FARS2: variants seen among roughly 807,000 people sequenced by gnomAD.
FARS2 encodes the protein phenylalanyl-tRNA synthetase 2, mitochondrial.
FARS2 carries 40 observed loss-of-function variants against 46.4 expected under a neutral mutation model. The observed-to-expected ratio is 0.86, with a 90% CI of 0.67 to 1.12. FARS2 has a LOEUF of 1.12. Among genes scored for constraint, FARS2 ranks in the 50% most tolerant of loss-of-function variants. The pLI is 0.00. For missense variants in FARS2, 513 were observed against 567.9 expected (o/e 0.90, Z 0.98); for synonymous variants, 234 against 214.9 (o/e 1.09, Z -0.78).
intron 6 of FARS2, among the ~76,000 whole-genome samples, chr6:5,673,174 A>C (rs1778568299): frequency 6.6e-6 from 1 of 152,212 alleles, no homozygotes; most frequent in Non-Finnish European, 1.5e-5. Flanking sequence ...GGAAGCACAA[A>C]CCAATTAGAG....
chr6:5,766,933 C>T (rs1040631441), intron 6 of FARS2, among the ~76,000 whole-genome samples: 2 of 151,454 alleles, frequency 1.3e-5, no homozygotes, highest in African/African-American at 4.9e-5. Flanking sequence ...TGGCTTTCTT[C>T]ACTTCTGTTC....
At chr6:5,768,203 G>T (rs1762847803) in intron 6 of FARS2, among the ~76,000 whole-genome samples, 1 of 152,172 alleles carries the variant, frequency 6.6e-6, no homozygotes, top group Admixed American at 6.5e-5. Context: ...AAACCTGGTT[G>T]ACTTTCACTT....
At chr6:5,273,367 G>A (rs1766101352) in intron 1 of FARS2, among the ~76,000 whole-genome samples, 1 of 152,222 alleles carries the variant, frequency 6.6e-6, no homozygotes, top group South Asian at 2.1e-4. Context: ...TTTAACTGGG[G>A]TTAGATGACA....
chr6:5,353,355 A>G (rs544254973), intron 1 of FARS2, among the ~76,000 whole-genome samples: 5 of 152,316 alleles, frequency 3.3e-5, no homozygotes, highest in African/African-American at 1.2e-4. Flanking sequence ...TAGTGCTGCA[A>G]TAAACATGGG....
chr6:5,508,771 G>A (rs1014262068), intron 4 of FARS2, among the ~76,000 whole-genome samples: 2 of 152,222 alleles, frequency 1.3e-5, no homozygotes, highest in African/African-American at 4.8e-5. Context: ...CCAGGCAGCC[G>A]TACGCAGGGC....
chr6:5,474,433 C>T (rs914435973), intron 4 of FARS2, among the ~76,000 whole-genome samples: 2 of 152,070 alleles, frequency 1.3e-5, no homozygotes, highest in Admixed American at 1.3e-4. Context: ...TTCTGAGAAA[C>T]ATGTTGTTAG....
chr6:5,585,746 A>T (rs1458900741), intron 5 of FARS2, among the ~76,000 whole-genome samples: 1 of 151,896 alleles, frequency 6.6e-6, no homozygotes. Context: ...ACACACACAT[A>T]TATACTTATA....
chr6:5,651,643 G>T (rs1777369154), intron 6 of FARS2, among the ~76,000 whole-genome samples: 1 of 152,210 alleles, frequency 6.6e-6, no homozygotes, highest in Non-Finnish European at 1.5e-5. Flanking sequence ...AGAGGATTAA[G>T]TAATTGCAAA....
chr6:5,614,487 G>A (rs1274199312), intron 6 of FARS2, among the ~76,000 whole-genome samples: 1 of 149,606 alleles, frequency 6.7e-6, no homozygotes, highest in African/African-American at 2.5e-5. Flanking sequence ...TCGGCTCACT[G>A]CAAGCTCCGC....
chr6:5,768,297 T>A (rs1762853436), intron 6 of FARS2, among the ~76,000 whole-genome samples: 1 of 152,262 alleles, frequency 6.6e-6, no homozygotes, highest in Admixed American at 6.5e-5. Flanking sequence ...TGAGTATTTA[T>A]CTCATAATCC....
the FARS2 span, among the ~76,000 whole-genome samples, chr6:5,254,780 C>T: frequency 4.6e-5 from 7 of 152,334 alleles, no homozygotes; most frequent in East Asian, 7.7e-4. Flanking sequence ...ACCGTTCATT[C>T]TGTCCAAGAC....
chr6:5,629,837 A>G (rs1322671802), intron 6 of FARS2, among the ~76,000 whole-genome samples: 2 of 152,090 alleles, frequency 1.3e-5, no homozygotes, highest in Non-Finnish European at 2.9e-5. Flanking sequence ...GCTCAAATCT[A>G]TGGGAAACGG....
intron 3 of FARS2, among the ~76,000 whole-genome samples, chr6:5,414,220 C>T (rs910468039): frequency 3.3e-5 from 5 of 152,194 alleles, no homozygotes; most frequent in Admixed American, 6.5e-5. Flanking sequence ...GGGGAAAACA[C>T]TTATTATGCT....
At chr6:5,755,857 G>A (rs1762175831) in intron 6 of FARS2, among the ~76,000 whole-genome samples, 1 of 152,108 alleles carries the variant, frequency 6.6e-6, no homozygotes, top group African/African-American at 2.4e-5. Context: ...TCAGCTTGAG[G>A]GTCTGAGGTA....
In FARS2 at chr6:5,717,908, C is replaced by CTCTATATATATATATATATA. The variant is rs748122253; in HGVS notation, c.1218-53382_1218-53381insCTATATATATATATATATAT. Among the ~76,000 whole-genome samples, 4 of 77,724 alleles carry CTCTATATATATATATATATA rather than the reference C, an allele frequency of 5.1e-5. No individual in the cohort carries two copies. The East Asian group carries it at 9.8e-4, about 19-fold the overall frequency. The allele number at this position is 77,724 out of a possible 152,430, so 51.0% of individuals were successfully genotyped here. ...AGGCATGAAAATGAGAAGGTATCAG[C>CTCTATATATATATATATATA]TATATATATATATATATATATATAT... On this transcript the variant is annotated intron_variant, in intron 6 of 6. Coordinates refer to ENST00000274680, the MANE Select transcript of FARS2 (RefSeq NM_006567.5).
the FARS2 span, among the ~76,000 whole-genome samples, chr6:5,250,146 T>A: frequency 2.0e-5 from 3 of 152,136 alleles, no homozygotes; most frequent in African/African-American, 7.2e-5. Flanking sequence ...ATCTTTATTT[T>A]CTCATTGCTT....
At chr6:5,263,650 A>C (rs1257782158) in intron 1 of FARS2, among the ~76,000 whole-genome samples, 3 of 152,214 alleles carry the variant, frequency 2.0e-5, no homozygotes, top group Admixed American at 2.0e-4. Flanking sequence ...GTATCTGTAA[A>C]ACAGGAGGTA....
At chr6:5,709,594 G>A (rs13210203) in intron 6 of FARS2, among the ~76,000 whole-genome samples, 70,320 of 151,852 alleles carry the variant, frequency 0.46, 17,498 homozygotes, top group Non-Finnish European at 0.57. Flanking sequence ...GTTTTAGAAG[G>A]AAAGTTTCTT....
At chr6:5,253,451 C>A in the FARS2 span, among the ~76,000 whole-genome samples, 2 of 151,058 alleles carry the variant, frequency 1.3e-5, no homozygotes, top group East Asian at 3.9e-4. Context: ...TAATGACTTG[C>A]TGTTTATGTT....
Sources: allele counts gnomAD v4.1 joint callset (sites outside exome capture counted in the v4.1 genomes callset), GRCh38; gene constraint gnomAD v4.1.1; transcripts MANE v1.5; gene names NCBI Gene and HGNC (gene_info 2026-07-23, HGNC 2026-07-21).